DTNB: variants seen among roughly 807,000 people sequenced by gnomAD.
DTNB encodes DTN-B.
Under a neutral mutation model 90.7 loss-of-function variants are expected in DTNB, and 63 were observed. The observed-to-expected ratio is 0.69, with a 90% CI of 0.57 to 0.86. The LOEUF (loss-of-function observed/expected upper bound fraction) is 0.86, where lower values mean the gene tolerates loss of function less well. DTNB is among the 40% of genes least tolerant of loss of function. The pLI, the probability that DTNB is intolerant of heterozygous loss-of-function variation, is 0.00. For missense variants in DTNB, 744 were observed against 807.1 expected (o/e 0.92, Z 0.95); for synonymous variants, 277 against 286.7 (o/e 0.97, Z 0.34).
chr2:25,496,305 A>G (rs1161060378), intron 9 of DTNB, among the ~76,000 whole-genome samples: 1 of 152,130 alleles, frequency 6.6e-6, no homozygotes, highest in Admixed American at 6.6e-5. Flanking sequence ...CTTGTTCATT[A>G]AACTTAGGAA....
intron 8 of DTNB, among the ~76,000 whole-genome samples, chr2:25,569,990 A>G (rs2059585917): frequency 6.6e-6 from 1 of 151,702 alleles, no homozygotes; most frequent in African/African-American, 2.4e-5. Flanking sequence ...CCAGCTACTC[A>G]GGAGGCTGAG....
rs1433472065 is a variant in DTNB, at chr2:25,398,600, C to T, written c.1576-10239G>A. ...GATCTTGGATGAGATATACATCACG[C>T]AAGGGATGTCAACCAACTCTGTTCC... is the stretch of plus-strand genomic sequence containing the variant. On this transcript the variant is annotated intron_variant, in intron 16 of 20. Coordinates refer to ENST00000406818, the MANE Select transcript of DTNB (RefSeq NM_021907.5). Among the ~76,000 whole-genome samples the T allele has an allele frequency of 2.0e-5, 3 of 152,180 alleles. No homozygotes were observed. In the East Asian group the frequency reaches 5.8e-4, roughly 29 times the overall value.
At chr2:25,575,542 C>T (rs183199824) in intron 8 of DTNB, among the ~76,000 whole-genome samples, 1 of 152,100 alleles carries the variant, frequency 6.6e-6, no homozygotes, top group Admixed American at 6.5e-5. Flanking sequence ...GGATCTTTAA[C>T]AGATTTTCAG....
intron 8 of DTNB, among the ~76,000 whole-genome samples, chr2:25,574,976 T>G (rs2060436593): frequency 6.6e-6 from 1 of 152,120 alleles, no homozygotes; most frequent in African/African-American, 2.4e-5. Context: ...ATGAAAAAAT[T>G]CAAGAGTAGA....
At chr2:25,421,928 C>T (rs1434923808) in intron 15 of DTNB, among the ~76,000 whole-genome samples, 2 of 152,242 alleles carry the variant, frequency 1.3e-5, no homozygotes, top group African/African-American at 4.8e-5. Context: ...CCAGGACTTA[C>T]AGGCCTTCCA....
intron 16 of DTNB, among the ~76,000 whole-genome samples, chr2:25,416,904 C>T (rs748374428): frequency 1.4e-4 from 22 of 151,974 alleles, no homozygotes; most frequent in Non-Finnish European, 2.5e-4. Context: ...TATGTTTTGG[C>T]CTGTCACTCA....
At chr2:25,384,982 G>A (rs749435682) in intron 18 of DTNB, among the ~76,000 whole-genome samples, 7 of 151,748 alleles carry the variant, frequency 4.6e-5, no homozygotes, top group Admixed American at 2.0e-4. Context: ...AGGTTCAAGC[G>A]ATTCTCCTGC....
At chr2:25,550,139 C>A (rs887148950) in intron 8 of DTNB, among the ~76,000 whole-genome samples, 4 of 152,126 alleles carry the variant, frequency 2.6e-5, no homozygotes, top group Admixed American at 1.3e-4. Flanking sequence ...CGCCTGTAAT[C>A]CCAGCACTTT....
At chr2:25,656,031 C>T (rs187623198) in intron 1 of DTNB, among the ~76,000 whole-genome samples, 5 of 152,296 alleles carry the variant, frequency 3.3e-5, no homozygotes, top group African/African-American at 1.2e-4. Flanking sequence ...AAACAAATCT[C>T]GTATTTGCAA....
intron 4 of DTNB, among the ~76,000 whole-genome samples, chr2:25,619,677 C>T (rs956701364): frequency 2.0e-5 from 3 of 152,018 alleles, no homozygotes; most frequent in African/African-American, 7.2e-5. Flanking sequence ...ATAATATAAA[C>T]AAGAACTGTA....
chr2:25,667,966 G>A (rs2084885176), intron 1 of DTNB, among the ~76,000 whole-genome samples: 1 of 152,210 alleles, frequency 6.6e-6, no homozygotes, highest in Non-Finnish European at 1.5e-5. Context: ...CTGGCCGGAC[G>A]CGGTGGCTCA....
In DTNB at chr2:25,657,599, A is replaced by G. The variant is rs956917425; in HGVS notation, c.-1-4938T>C. The stretch of plus-strand genomic sequence containing the variant: ...GCCAGGCAGGCTGGTGCACACCTGT[A>G]TTCCTGGCTACTCAGGAGGCTGAGG... On this transcript the variant is annotated intron_variant, in intron 1 of 20. Coordinates refer to ENST00000406818, the MANE Select transcript of DTNB (RefSeq NM_021907.5). 2.0e-5 allele frequency among the ~76,000 whole-genome samples: 3 copies of G among 152,204 alleles called. No individual in the cohort carries two copies. The South Asian group carries it at 6.2e-4, about 32-fold the overall frequency.
intron 2 of DTNB, among the ~76,000 whole-genome samples, chr2:25,649,322 A>G (rs1388202788): frequency 3.9e-5 from 6 of 152,168 alleles, no homozygotes; most frequent in Admixed American, 3.3e-4. Flanking sequence ...CTACTTTTCA[A>G]TATAACCTCT....
intron 14 of DTNB, among the ~76,000 whole-genome samples, chr2:25,431,754 C>T (rs992929503): frequency 3.9e-5 from 6 of 152,186 alleles, no homozygotes; most frequent in African/African-American, 1.4e-4. Flanking sequence ...CTTACGCCAA[C>T]AGCCTAGACT....
chr2:25,607,967 A>T (rs1177043244), intron 4 of DTNB, among the ~76,000 whole-genome samples: 1 of 152,200 alleles, frequency 6.6e-6, no homozygotes, highest in Non-Finnish European at 1.5e-5. Context: ...AACATAAATG[A>T]ATCACCTAAG....
intron 8 of DTNB, among the ~76,000 whole-genome samples, chr2:25,544,798 C>T (rs1329734819): frequency 1.3e-5 from 2 of 152,200 alleles, no homozygotes; most frequent in Non-Finnish European, 2.9e-5. Flanking sequence ...ATTATTTATA[C>T]CTGGTGCTTA....
intron 10 of DTNB, among the ~76,000 whole-genome samples, chr2:25,462,708 C>CT (rs70947890): frequency 0.026 from 3,819 of 146,026 alleles, 70 homozygotes; most frequent in South Asian, 0.052. Context: ...TCAGAACACT[C>CT]TTTTTTTTTT....
At chr2:25,639,187 T>C in intron 2 of DTNB, 93 bp from the exon 3 acceptor site, 1 of 1,242,126 alleles carries the variant, frequency 8.1e-7, no homozygotes, top group African/African-American at 1.5e-5. Context: ...TGTCATAGTA[T>C]ACCAGTCAGC....
chr2:25,635,537 G>A (rs144378200), intron 3 of DTNB, among the ~76,000 whole-genome samples: 13 of 152,232 alleles, frequency 8.5e-5, no homozygotes, highest in African/African-American at 2.2e-4. Context: ...CATATACCAC[G>A]TTCACAGGAG....
Sources: gnomAD v4.1 joint callset for allele counts (sites outside exome capture counted in the v4.1 genomes callset) on GRCh38, gnomAD v4.1.1 for gene constraint, MANE v1.5 for transcripts, NCBI Gene and HGNC (gene_info 2026-07-23, HGNC 2026-07-21) for gene names.